Variants in MAN1A1 observed in about 807,000 individuals in gnomAD.
MAN1A1 encodes the protein mannosyl-oligosaccharide 1,2-alpha-mannosidase IA.
MAN1A1 carries 29 observed loss-of-function variants against 70.8 expected under a neutral mutation model. The ratio of observed to expected loss-of-function variants is 0.41; its 90% CI spans 0.31 to 0.56. The LOEUF is 0.56. Among genes scored for constraint, MAN1A1 ranks in the 20% least tolerant of loss-of-function variants. The pLI is 0.29. For missense variants in MAN1A1, 747 were observed against 841.3 expected, an observed-to-expected ratio of 0.89 and a Z score of 1.39; for synonymous variants, 349 against 330.1, an observed-to-expected ratio of 1.06 and a Z score of -0.62.
intron 5 of MAN1A1, among the ~76,000 whole-genome samples, chr6:119,284,013 G>A (rs1218130246): frequency 6.6e-6 from 1 of 152,042 alleles, no homozygotes; most frequent in Non-Finnish European, 1.5e-5. Flanking sequence ...TAACAAAACC[G>A]ACCAACCAGA....
At chr6:119,308,195 A>C (rs1251438803) in intron 2 of MAN1A1, among the ~76,000 whole-genome samples, 1 of 152,162 alleles carries the variant, frequency 6.6e-6, no homozygotes, top group African/African-American at 2.4e-5. Flanking sequence ...CTCAGTCACC[A>C]CATTTTTCCA....
At chr6:119,186,941 C>T (rs986613237) in intron 11 of MAN1A1, among the ~76,000 whole-genome samples, 3 of 152,164 alleles carry the variant, frequency 2.0e-5, no homozygotes, top group African/African-American at 7.2e-5. Flanking sequence ...TGTTGTGACA[C>T]AGGGAAACGA....
chr6:119,335,342 C>T (rs568340446), intron 2 of MAN1A1, among the ~76,000 whole-genome samples: 1 of 152,282 alleles, frequency 6.6e-6, no homozygotes, highest in Admixed American at 6.5e-5. Flanking sequence ...CATACATTTT[C>T]TATTTTAATT....
At position 119,188,588 on chromosome 6, in the gene MAN1A1, T is replaced by C; in HGVS notation, c.1547-11A>G. 3 of 1,609,202 alleles carry C rather than the reference T, an allele frequency of 1.9e-6. No homozygotes were observed. Among genetic ancestry groups the C allele is most frequent in the East Asian group, 2.2e-5 (1 of 44,856 alleles). ...GTCCCAGTTTCATAACTAAAGGACA[T>C]GGAATGAATGAATAAGGGTTATTTT... On this transcript the variant is annotated splice_polypyrimidine_tract_variant and intron_variant, in intron 10 of 12. Transcript: ENST00000368468.
intron 2 of MAN1A1, among the ~76,000 whole-genome samples, chr6:119,340,154 G>A (rs572655871): frequency 6.6e-6 from 1 of 152,266 alleles, no homozygotes; most frequent in East Asian, 1.9e-4. Flanking sequence ...TGGCAGCTGG[G>A]AATGAGATTT....
At chr6:119,237,480 C>A (rs1774879891) in intron 6 of MAN1A1, among the ~76,000 whole-genome samples, 1 of 152,114 alleles carries the variant, frequency 6.6e-6, no homozygotes. Flanking sequence ...GGAGTCACTG[C>A]TGCCGTCAGT....
In MAN1A1 at chr6:119,348,475, T is replaced by C. The variant is rs1773798387; in HGVS notation, c.591A>G (p.Ala197=). The part of the protein sequence containing the change: ...PADAAIREKR[A]KIKEMMKHAW... ...GCGGCCCACTCACCTCTTTGATCTT[T>C]GCCCTTTTCTCGCGGATGGCGGCGT... Residue 197 remains alanine, a synonymous_variant, in exon 2 of 13, where the codon GCA becomes GCG. Transcript: ENST00000368468. 1.2e-6 allele frequency: 2 copies of C among 1,605,396 alleles called. No individual in the cohort carries two copies. Among genetic ancestry groups the C allele is most frequent in the Non-Finnish European group, 1.7e-6 (2 of 1,175,704 alleles).
At chr6:119,218,541 C>T (rs190277676) in intron 6 of MAN1A1, among the ~76,000 whole-genome samples, 6 of 151,688 alleles carry the variant, frequency 4.0e-5, no homozygotes, top group Admixed American at 2.6e-4. Flanking sequence ...TTTCAATGTC[C>T]TTTACTTATA....
At chr6:119,192,698 TACA>T (rs1288787492) in intron 9 of MAN1A1, among the ~76,000 whole-genome samples, 1 of 152,140 alleles carries the variant, frequency 6.6e-6, no homozygotes, top group East Asian at 1.9e-4. Context: ...GCCACTATTT[TACA>T]ACACTACTTG....
At chr6:119,291,674 G>A (rs183299466) in intron 4 of MAN1A1, among the ~76,000 whole-genome samples, 6 of 152,024 alleles carry the variant, frequency 3.9e-5, no homozygotes, top group Non-Finnish European at 4.4e-5. Flanking sequence ...ACTGCAAATA[G>A]GATTTGAAGT....
At chr6:119,205,300 A>G (rs1206814644) in intron 6 of MAN1A1, among the ~76,000 whole-genome samples, 1 of 152,220 alleles carries the variant, frequency 6.6e-6, no homozygotes, top group Non-Finnish European at 1.5e-5. Flanking sequence ...TTCACATTAT[A>G]TACAAAATTT....
At chr6:119,327,171 CA>C (rs1465825988) in intron 2 of MAN1A1, 3 of 152,054 alleles carry the variant, frequency 2.0e-5, no homozygotes, top group African/African-American at 7.2e-5. Flanking sequence ...CCCTTAAATG[CA>C]AAGAACATTC....
intron 4 of MAN1A1, among the ~76,000 whole-genome samples, chr6:119,295,855 T>C (rs974987513): frequency 1.3e-5 from 2 of 152,168 alleles, no homozygotes; most frequent in Non-Finnish European, 2.9e-5. Flanking sequence ...GCAATATTTC[T>C]GTTTAATATT....
At chr6:119,322,201 T>C (rs1298275869) in intron 2 of MAN1A1, among the ~76,000 whole-genome samples, 2 of 152,190 alleles carry the variant, frequency 1.3e-5, no homozygotes, top group East Asian at 1.9e-4. Context: ...TGGCCTATAC[T>C]GCATTCAATT....
chr6:119,293,183 G>T (rs927015980), intron 4 of MAN1A1, among the ~76,000 whole-genome samples: 6 of 152,098 alleles, frequency 3.9e-5, no homozygotes, highest in African/African-American at 1.4e-4. Flanking sequence ...CCTTTATGTA[G>T]ACATCCGATA....
At chr6:119,211,759 G>T (rs1468178183) in intron 6 of MAN1A1, among the ~76,000 whole-genome samples, 1 of 151,892 alleles carries the variant, frequency 6.6e-6, no homozygotes, top group African/African-American at 2.4e-5. Context: ...CAATTTAAAT[G>T]ATTGTCTTTT....
chr6:119,334,599 A>G (rs1193283130), intron 2 of MAN1A1, among the ~76,000 whole-genome samples: 1 of 152,256 alleles, frequency 6.6e-6, no homozygotes, highest in African/African-American at 2.4e-5. Context: ...TTTAAGGAGC[A>G]GATTAAAACC....
intron 3 of MAN1A1, among the ~76,000 whole-genome samples, chr6:119,305,181 CA>C (rs1562234633): frequency 6.6e-6 from 1 of 151,968 alleles, no homozygotes; most frequent in Non-Finnish European, 1.5e-5. Flanking sequence ...CAATGAAAAC[CA>C]AAAAGCAAAC....
chr6:119,339,201 G>A lies in MAN1A1; in HGVS notation c.603+9262C>T, dbSNP rs373875759. On this transcript the variant is annotated intron_variant, in intron 2 of 12. Transcript: ENST00000368468. ...TATATGACACATGGGAGTATAAATG[G>A]TTTCTGGAAAGTTATCCCTCAAAAT... is the stretch of plus-strand genomic sequence containing the variant. Among the ~76,000 whole-genome samples the A allele has an allele frequency of 6.9e-4, 105 of 152,266 alleles. 1 individual carries two copies. Among genetic ancestry groups the A allele is most frequent in the Middle Eastern group, 3.4e-3 (1 of 294 alleles).
Sources: allele counts gnomAD v4.1 joint callset (sites outside exome capture counted in the v4.1 genomes callset), GRCh38; gene constraint gnomAD v4.1.1; transcripts MANE v1.5; gene names NCBI Gene and HGNC (gene_info 2026-07-23, HGNC 2026-07-21).